Variants in BOC observed in about 807,000 individuals in gnomAD.
BOC encodes the protein brother of CDO.
BOC carries 76 observed loss-of-function variants against 112.0 expected under a neutral mutation model. The observed-to-expected ratio is 0.68, with a 90% CI of 0.56 to 0.82. BOC has a LOEUF of 0.82. Ranked by LOEUF, BOC falls within the 40% of genes least tolerant of loss-of-function variation. The probability of loss-of-function intolerance (pLI) is 0.00; values close to 1 mark genes in which losing one functional copy is unlikely to be tolerated. For missense variants in BOC, 1,309 were observed against 1,511.7 expected (o/e 0.87, Z 2.22); for synonymous variants, 580 against 599.8 (o/e 0.97, Z 0.48).
intron 2 of BOC, among the ~76,000 whole-genome samples, chr3:113,226,134 TAATGTGGGGGG>T (rs1941622713): frequency 6.6e-6 from 1 of 152,164 alleles, no homozygotes; most frequent in Non-Finnish European, 1.5e-5. Context: ...TTTTCTTTCC[TAATGTGGGGGG>T]AATGGGGGAA....
intron 4 of BOC, among the ~76,000 whole-genome samples, chr3:113,259,666 A>G (rs1377638301): frequency 3.9e-5 from 6 of 152,214 alleles, no homozygotes; most frequent in Non-Finnish European, 7.3e-5. Context: ...TCTATAGAAC[A>G]GTGAGTCTGT....
chr3:113,279,472 A>C lies in BOC; in HGVS notation c.2023+17A>C, dbSNP rs777101307. On this transcript the variant is annotated intron_variant, in intron 12 of 19. Coordinates refer to ENST00000682979, the MANE Select transcript of BOC (RefSeq NM_001378074.1). The stretch of plus-strand genomic sequence containing the variant: ...TAGAGAAAGGTAGGGGCCTGGCCAC[A>C]CCGTGGCCTTGGCCTGATCCCCCAG... 17 of 1,609,456 alleles carry C rather than the reference A, an allele frequency of 1.1e-5. No homozygotes were observed. The highest frequency in any genetic ancestry group is 1.7e-4 in the Middle Eastern group (1 of 6,020).
In BOC at chr3:113,278,911, C is replaced by A. The variant is rs1271155625; in HGVS notation, c.1816+128C>A. 7.7e-6 allele frequency: 6 copies of A among 782,608 alleles called. No homozygotes were observed. The East Asian group carries it at 1.6e-4, about 21-fold the overall frequency. 48.5% of individuals were successfully genotyped at this position (782,608 alleles called of 1,614,324 possible). On this transcript the variant is annotated intron_variant, in intron 11 of 19. Coordinates refer to ENST00000682979, the MANE Select transcript of BOC (RefSeq NM_001378074.1). The surrounding 1 kb of genome is among the most constrained non-coding windows in gnomAD (Gnocchi z 4.2). Reference sequence around the variant, plus strand: ...TTTTATGACATCTCCCAGTTAACCACAATGAGGAAATGTAGTTTGGAGCTT... The same window carrying A: ...TTTTATGACATCTCCCAGTTAACCAAAATGAGGAAATGTAGTTTGGAGCTT...
chr3:113,213,007 G>C (rs1220866781), intron 1 of BOC, among the ~76,000 whole-genome samples: 1 of 152,138 alleles, frequency 6.6e-6, no homozygotes, highest in Non-Finnish European at 1.5e-5. Context: ...ATGGAGCCTC[G>C]GGGATTTGTT....
intron 4 of BOC, among the ~76,000 whole-genome samples, chr3:113,258,870 G>C (rs902799428): frequency 4.5e-5 from 6 of 133,316 alleles, no homozygotes; most frequent in African/African-American, 1.8e-4. Flanking sequence ...AGATGGCTGA[G>C]ATCTAAAAGG....
chr3:113,238,229 C>G (rs1559824458), intron 2 of BOC, among the ~76,000 whole-genome samples: 2 of 152,058 alleles, frequency 1.3e-5, no homozygotes, highest in African/African-American at 4.8e-5. Flanking sequence ...ATGCAGCCTC[C>G]CCAGATTTTA....
intron 4 of BOC, among the ~76,000 whole-genome samples, chr3:113,256,763 G>T (rs982678498): frequency 6.6e-6 from 1 of 151,722 alleles, no homozygotes; most frequent in African/African-American, 2.4e-5. Context: ...ATATGTGTGT[G>T]TGTGTGTATA....
At chr3:113,228,955 A>ATG (rs147575532) in intron 2 of BOC, among the ~76,000 whole-genome samples, 23,474 of 152,016 alleles carry the variant, frequency 0.15, 2,125 homozygotes, top group African/African-American at 0.25. Flanking sequence ...TGCATGATGT[A>ATG]TGTGTGTGTG....
Position 113,286,675 on chromosome 3 carries a change from G to A in BOC, c.3161G>A (p.Gly1054Glu), listed in dbSNP as rs1354777763. ...EAVWDPPFHSGPPCCLGLVPV... is the reference protein window; with the variant it reads ...EAVWDPPFHSEPPCCLGLVPV... ...TGGTTCCTACTCTTTCTCCCCTCAGGGCCCCCATGCTGCTTGGGCCTTGTG... is the reference window on the plus strand; with the variant it reads ...TGGTTCCTACTCTTTCTCCCCTCAGAGCCCCCATGCTGCTTGGGCCTTGTG... Residue 1054 changes from glycine to glutamate, a missense_variant and splice_region_variant, in exon 20 of 20, where the codon GGG becomes GAG. Transcript: ENST00000682979. 1.3e-6 allele frequency: 2 copies of A among 1,568,622 alleles called. No individual in the cohort carries two copies. The highest frequency in any genetic ancestry group is 1.9e-5 in the Admixed American group (1 of 51,832).
At chr3:113,212,732 G>C (rs754542518) in intron 1 of BOC, 1 of 152,482 alleles carries the variant, frequency 6.6e-6, no homozygotes, top group South Asian at 2.1e-4. Context: ...GTGTGTGCGT[G>C]TACGTGTGTG....
intron 2 of BOC, among the ~76,000 whole-genome samples, chr3:113,225,132 G>A (rs535722087): frequency 6.6e-6 from 1 of 151,670 alleles, no homozygotes; most frequent in East Asian, 1.9e-4. Context: ...AAATAAGTCG[G>A]GTGTGGTGGT....
At position 113,286,779 on chromosome 3, in the gene BOC, T is replaced by TA. The variant is rs1308131125; in HGVS notation, c.3266dup (p.Tyr1089Ter). ...GTGTCCCCAGCACCCCGTAGGGGCC[T>TA]ACGTAGGACAGGAACCTGGAATGCA... The part of the protein sequence containing the change: ...DWCPQHPVGA[Y>*]VGQEPGMQLS... The change falls in exon 20 of 20, where the codon TAC becomes TAAC. Residue 1089 changes from tyrosine to a stop codon, truncating the protein, a stop_gained and frameshift_variant. Transcript: ENST00000682979. LOFTEE classifies it high-confidence loss of function. The TA allele has an allele frequency of 2.5e-6, 4 of 1,613,514 alleles. No homozygotes were observed. In the Admixed American group the frequency reaches 6.7e-5, roughly 27 times the overall value.
At chr3:113,255,535 G>A (rs1160916149) in intron 4 of BOC, among the ~76,000 whole-genome samples, 1 of 152,150 alleles carries the variant, frequency 6.6e-6, no homozygotes, top group African/African-American at 2.4e-5. Flanking sequence ...AGGTCCCACT[G>A]GTAGCTGGAA....
chr3:113,279,409 C>T lies in BOC; in HGVS notation c.1977C>T (p.Ala659=), dbSNP rs1948974208. The T allele has an allele frequency of 6.2e-7, 1 of 1,614,082 alleles. No homozygotes were observed. The highest frequency in any genetic ancestry group is 1.3e-5 in the African/African-American group (1 of 74,938). ...GAGACTGGATTCTGGCCACCAGCGC[C>T]ATCCCCCCATCGCGGCTGTCCGTGG... ...KVGDWILATS[A]IPPSRLSVEI... The change falls in exon 12 of 20, where the codon GCC becomes GCT. Residue 659 remains alanine, a synonymous_variant. Transcript: ENST00000682979.
At chr3:113,227,724 G>A (rs1181916549) in intron 2 of BOC, among the ~76,000 whole-genome samples, 1 of 151,884 alleles carries the variant, frequency 6.6e-6, no homozygotes, top group Non-Finnish European at 1.5e-5. Context: ...TTATCCGACT[G>A]AAAACAAGTG....
chr3:113,215,189 T>A (rs1470982385), intron 1 of BOC, among the ~76,000 whole-genome samples: 5 of 152,178 alleles, frequency 3.3e-5, no homozygotes, highest in African/African-American at 4.8e-5. Flanking sequence ...CTCAAATATT[T>A]GGGGTTAGGG....
At chr3:113,259,320 T>G (rs1310235994) in intron 4 of BOC, among the ~76,000 whole-genome samples, 1 of 152,190 alleles carries the variant, frequency 6.6e-6, no homozygotes, top group Non-Finnish European at 1.5e-5. Flanking sequence ...GTTCATTTTC[T>G]AAGCTAAGAG....
intron 6 of BOC, chr3:113,271,615 C>A (rs1948131245): frequency 5.5e-6 from 1 of 181,278 alleles, no homozygotes; most frequent in African/African-American, 2.4e-5. Flanking sequence ...AAGGCCCTAA[C>A]TTTGTATGTA....
At chr3:113,258,690 A>G (rs1023778669) in intron 4 of BOC, among the ~76,000 whole-genome samples, 3 of 152,112 alleles carry the variant, frequency 2.0e-5, no homozygotes, top group Admixed American at 2.0e-4. Flanking sequence ...CAGGAGGGGA[A>G]GGAGATTTGC....
Sources: gnomAD v4.1 joint callset for allele counts (sites outside exome capture counted in the v4.1 genomes callset) on GRCh38, gnomAD v4.1.1 for gene constraint, Gnocchi (gnomAD v3.1) non-coding constraint, MANE v1.5 for transcripts, NCBI Gene and HGNC (gene_info 2026-07-23, HGNC 2026-07-21) for gene names.